THSD7B: variants seen among roughly 807,000 people sequenced by gnomAD.
THSD7B encodes the protein thrombospondin type 1 domain containing 7B.
In THSD7B, 138 loss-of-function variants were observed where a neutral mutation model predicts 213.6. The observed-to-expected ratio is 0.65, with a 90% confidence interval of 0.56 to 0.74. The LOEUF (loss-of-function observed/expected upper bound fraction) is 0.74. Ranked by LOEUF, THSD7B falls within the 30% of genes least tolerant of loss-of-function variation. The pLI is 0.00. For synonymous variants in THSD7B, 742 were observed against 687.0 expected (o/e 1.08, Z -1.25); for missense variants, 1,931 against 1,991.5 (o/e 0.97, Z 0.58).
rs1485091502 is a variant in THSD7B, at chr2:137,642,379, G to A, written c.3800-109G>A. The stretch of plus-strand genomic sequence containing the variant: ...AAAACTAAAAGTGAGATAGGACAGA[G>A]TTCAGTCTATTAAAATGAAGACTTA... On this transcript the variant is annotated intron_variant, in intron 20 of 27. Transcript: ENST00000409968. 24 of 1,330,922 alleles carry A rather than the reference G, an allele frequency of 1.8e-5. No individual in the cohort carries two copies. The East Asian group carries it at 5.3e-4, about 30-fold the overall frequency. The allele number at this position is 1,330,922 out of a possible 1,614,324, so 82.4% of individuals were successfully genotyped here.
At chr2:136,793,122 G>A (rs1681997474) in intron 1 of THSD7B, among the ~76,000 whole-genome samples, 2 of 151,952 alleles carry the variant, frequency 1.3e-5, no homozygotes, top group Non-Finnish European at 2.9e-5. Flanking sequence ...GAATTGCTGT[G>A]TTTTAATATA....
At chr2:137,026,325 T>C (rs1686555093) in intron 2 of THSD7B, among the ~76,000 whole-genome samples, 1 of 152,146 alleles carries the variant, frequency 6.6e-6, no homozygotes, top group South Asian at 2.1e-4. Context: ...TCCCTATAGT[T>C]CCTTGCTTTG....
chr2:137,084,395 A>C (rs1687801125), intron 3 of THSD7B, among the ~76,000 whole-genome samples: 1 of 152,212 alleles, frequency 6.6e-6, no homozygotes, highest in Admixed American at 6.6e-5. Flanking sequence ...TGGAGAAAGT[A>C]GAAAGCTCTT....
At chr2:137,180,442 C>T (rs965764021) in intron 7 of THSD7B, among the ~76,000 whole-genome samples, 13 of 152,038 alleles carry the variant, frequency 8.6e-5, no homozygotes, top group Middle Eastern at 3.2e-3. Flanking sequence ...GTTTATTTCT[C>T]TGTTTCTGCC....
At chr2:137,517,960 T>C (rs1680105238) in intron 15 of THSD7B, among the ~76,000 whole-genome samples, 1 of 152,192 alleles carries the variant, frequency 6.6e-6, no homozygotes, top group African/African-American at 2.4e-5. Flanking sequence ...TATCATGAAC[T>C]GGGCGCTTTC....
intron 12 of THSD7B, among the ~76,000 whole-genome samples, chr2:137,356,167 C>G (rs1159606769): frequency 6.6e-6 from 1 of 152,120 alleles, no homozygotes; most frequent in African/African-American, 2.4e-5. Context: ...GGGTGCATCA[C>G]GGTGGGCTAA....
chr2:137,593,517 T>C (rs377130928), intron 17 of THSD7B, among the ~76,000 whole-genome samples: 1 of 151,028 alleles, frequency 6.6e-6, no homozygotes, highest in East Asian at 2.0e-4. Flanking sequence ...TGTATTTCCC[T>C]AATAACTAAT....
At chr2:137,547,683 C>CT in intron 15 of THSD7B, among the ~76,000 whole-genome samples, 1 of 151,982 alleles carries the variant, frequency 6.6e-6, no homozygotes, top group East Asian at 1.9e-4. Context: ...TATGTTTTTC[C>CT]TTTTTTTAAA....
At chr2:137,362,269 C>A (rs999777270) in intron 12 of THSD7B, among the ~76,000 whole-genome samples, 1 of 152,200 alleles carries the variant, frequency 6.6e-6, no homozygotes, top group Non-Finnish European at 1.5e-5. Flanking sequence ...GTACCAGCCA[C>A]TGCAAAAACA....
intron 14 of THSD7B, among the ~76,000 whole-genome samples, chr2:137,432,211 T>C (rs941445963): frequency 6.6e-6 from 1 of 152,088 alleles, no homozygotes; most frequent in Non-Finnish European, 1.5e-5. Context: ...GCCAACGTGG[T>C]GAAACCCCGT....
At chr2:137,144,863 A>G (rs985122901) in intron 5 of THSD7B, among the ~76,000 whole-genome samples, 1 of 152,122 alleles carries the variant, frequency 6.6e-6, no homozygotes, top group African/African-American at 2.4e-5. Flanking sequence ...TAGAAGCAAT[A>G]AAAATGAATG....
At chr2:136,799,296 G>A (rs1276246639) in intron 1 of THSD7B, among the ~76,000 whole-genome samples, 3 of 150,054 alleles carry the variant, frequency 2.0e-5, no homozygotes, top group African/African-American at 7.5e-5. Flanking sequence ...TGTTTTGGGA[G>A]ATTGAAAAAA....
rs142398460 is a variant in THSD7B, at chr2:137,066,247, G to A, written c.950+9017G>A. 4.3e-4 allele frequency among the ~76,000 whole-genome samples: 63 copies of A among 146,488 alleles called. No individual in the cohort carries two copies. In the East Asian group the frequency reaches 8.2e-3, roughly 19 times the overall value. The stretch of plus-strand genomic sequence containing the variant: ...GGCTCTGTCTCCCAGTCTGGAGTGC[G>A]GTGGCATAATCTCGGCTCACTGCAA... On this transcript the variant is annotated intron_variant, in intron 3 of 27. Coordinates refer to ENST00000409968, the MANE Select transcript of THSD7B (RefSeq NM_001316349.2).
intron 1 of THSD7B, among the ~76,000 whole-genome samples, chr2:136,840,736 A>G (rs2104955131): frequency 6.6e-6 from 1 of 152,328 alleles, no homozygotes; most frequent in Admixed American, 6.5e-5. Context: ...GTTATATTCC[A>G]GGGAACTTGC....
intron 2 of THSD7B, among the ~76,000 whole-genome samples, chr2:136,996,971 T>A (rs1290613107): frequency 6.6e-6 from 1 of 152,222 alleles, no homozygotes; most frequent in Non-Finnish European, 1.5e-5. Context: ...GAAATTATTT[T>A]TTCTTAAATA....
Position 137,235,853 on chromosome 2 carries a change from A to T in THSD7B, c.2150+2720A>T, listed in dbSNP as rs145158769. ...CACACACAAATATAAAAGCATTGCT[A>T]ATGACTTTCTGTACTGTTAATGAGG... On this transcript the variant is annotated intron_variant, in intron 9 of 27. Transcript: ENST00000409968. Among the ~76,000 whole-genome samples the T allele has an allele frequency of 5.0e-4, 76 of 152,318 alleles. 2 individuals carry two copies. In the East Asian group the frequency reaches 0.013, roughly 26 times the overall value.
chr2:137,298,363 T>A (rs988249153), intron 12 of THSD7B, among the ~76,000 whole-genome samples: 2 of 152,062 alleles, frequency 1.3e-5, no homozygotes, highest in African/African-American at 4.8e-5. Flanking sequence ...GCATTCTGTT[T>A]TAAAAGAGAA....
chr2:137,487,645 C>T (rs1688492738), intron 15 of THSD7B, among the ~76,000 whole-genome samples: 1 of 151,266 alleles, frequency 6.6e-6, no homozygotes, highest in South Asian at 2.1e-4. Flanking sequence ...CCACTGATCC[C>T]ACAGAAATAC....
chr2:136,852,440 C>T (rs190198241), intron 1 of THSD7B, among the ~76,000 whole-genome samples: 8 of 152,222 alleles, frequency 5.3e-5, no homozygotes, highest in Non-Finnish European at 1.0e-4. Flanking sequence ...TAGATTATTC[C>T]ACAGAGCCCT....
Sources: allele counts gnomAD v4.1 joint callset (sites outside exome capture counted in the v4.1 genomes callset), GRCh38; gene constraint gnomAD v4.1.1; transcripts MANE v1.5; gene names NCBI Gene and HGNC (gene_info 2026-07-23, HGNC 2026-07-21).